The following SV2B variants were observed in gnomAD, a reference collection of about 807,000 sequenced individuals.
The protein encoded by SV2B is synaptic vesicle glycoprotein 2B, also known as solute carrier family 22 member B2.
Under a neutral mutation model 73.9 loss-of-function variants are expected in SV2B, and 41 were observed. That is an observed-to-expected ratio of 0.56 (90% CI 0.43 to 0.72). SV2B has a LOEUF of 0.72. SV2B is among the 30% of genes least tolerant of loss of function. The pLI is 0.00. For synonymous variants in SV2B, 314 were observed against 314.2 expected (o/e 1.00, Z 0.01); for missense variants, 764 against 857.8 (o/e 0.89, Z 1.37).
intron 1 of SV2B, among the ~76,000 whole-genome samples, chr15:91,180,641 T>A (rs2044514556): frequency 6.6e-6 from 1 of 152,230 alleles, no homozygotes; most frequent in African/African-American, 2.4e-5. Flanking sequence ...ATTTCATTCA[T>A]TTCATCTTCC....
chr15:91,142,499 T>TA (rs1383980137), intron 1 of SV2B, among the ~76,000 whole-genome samples: 5 of 152,208 alleles, frequency 3.3e-5, no homozygotes, highest in African/African-American at 9.7e-5. Context: ...GGTGGTGTGT[T>TA]AGCAATGGAG....
rs1003742625 is a variant in SV2B, at chr15:91,284,056, A to G, written c.1543A>G (p.Ile515Val). 2 of 1,614,060 alleles carry G rather than the reference A, an allele frequency of 1.2e-6. No individual in the cohort carries two copies. The highest frequency in any genetic ancestry group is 1.7e-6 in the Non-Finnish European group (2 of 1,180,048). The change falls in exon 11 of 13, where the codon ATC becomes GTC. Residue 515 changes from isoleucine (I) to valine (V), a missense_variant. Coordinates refer to ENST00000394232, the MANE Select transcript of SV2B (RefSeq NM_001323032.3). The surrounding 1 kb of genome is among the most constrained non-coding windows in gnomAD (Gnocchi z 4.5). ...YEHKFINCRF[I>V]NSTFLEQKEG... ...GCACAAGTTCATCAACTGTCGGTTTATCAACTCCACCTTCCTGGAGCAGAA... is the reference window on the plus strand; with the variant it reads ...GCACAAGTTCATCAACTGTCGGTTTGTCAACTCCACCTTCCTGGAGCAGAA...
intron 1 of SV2B, among the ~76,000 whole-genome samples, chr15:91,103,407 T>A (rs562219433): frequency 2.6e-5 from 4 of 152,344 alleles, no homozygotes; most frequent in African/African-American, 9.6e-5. Flanking sequence ...TTGCTAGATA[T>A]TCTTTTTTCT....
chr15:91,219,652 A>T (rs2046151764), intron 1 of SV2B, among the ~76,000 whole-genome samples: 1 of 152,164 alleles, frequency 6.6e-6, no homozygotes, highest in African/African-American at 2.4e-5. Flanking sequence ...AAATCCACTC[A>T]TTGTAAGTGT....
At chr15:91,181,427 T>C (rs2044555408) in intron 1 of SV2B, among the ~76,000 whole-genome samples, 3 of 152,082 alleles carry the variant, frequency 2.0e-5, no homozygotes, top group Admixed American at 2.0e-4. Context: ...TCTTCAAAGC[T>C]GTCAGACAGG....
In SV2B at chr15:91,284,400, C is replaced by T. The variant is rs1476391200; in HGVS notation, c.1708+179C>T. On this transcript the variant is annotated intron_variant, in intron 11 of 12. Coordinates refer to ENST00000394232, the MANE Select transcript of SV2B (RefSeq NM_001323032.3). The surrounding 1 kb of genome is among the most constrained non-coding windows in gnomAD (Gnocchi z 4.5). ...TGTGCCTACAGAAGACTCCAGGGCT[C>T]CTGGGAAATAGTCAAGAATCTTTGG... is the stretch of plus-strand genomic sequence containing the variant. Among the ~76,000 whole-genome samples the T allele has an allele frequency of 1.3e-5, 2 of 152,280 alleles. No individual in the cohort carries two copies. Among genetic ancestry groups the T allele is most frequent in the Middle Eastern group, 3.4e-3 (1 of 294 alleles).
intron 2 of SV2B, among the ~76,000 whole-genome samples, chr15:91,248,281 A>C (rs1016151843): frequency 1.4e-4 from 21 of 152,306 alleles, no homozygotes; most frequent in African/African-American, 5.1e-4. Flanking sequence ...AGATCGTGCC[A>C]CTACACTCCA....
chr15:91,112,335 G>A (rs910034840), intron 1 of SV2B, among the ~76,000 whole-genome samples: 3 of 152,162 alleles, frequency 2.0e-5, no homozygotes, highest in African/African-American at 7.2e-5. Context: ...GATCGCCGCT[G>A]TCCTGTGCTT....
chr15:91,282,820 C>T (rs2048725731), intron 10 of SV2B, among the ~76,000 whole-genome samples: 2 of 152,212 alleles, frequency 1.3e-5, no homozygotes, highest in Admixed American at 1.3e-4. Context: ...TCTAAATATT[C>T]TGGAGTCTCT....
At chr15:91,190,721 G>C (rs2044977625) in intron 1 of SV2B, among the ~76,000 whole-genome samples, 1 of 152,168 alleles carries the variant, frequency 6.6e-6, no homozygotes, top group Non-Finnish European at 1.5e-5. Flanking sequence ...TTTTGCAAAT[G>C]TTCCATATGT....
Position 91,242,756 on chromosome 15 carries a change from T to A in SV2B, c.452-9063T>A, listed in dbSNP as rs1302949247. Among the ~76,000 whole-genome samples, 2 of 152,212 alleles carry A rather than the reference T, an allele frequency of 1.3e-5. No individual in the cohort carries two copies. Among genetic ancestry groups the A allele is most frequent in the East Asian group, 1.9e-4 (1 of 5,200 alleles). On this transcript the variant is annotated intron_variant, in intron 2 of 12. Transcript: ENST00000394232. This position sits in a 1 kb window ranked among gnomAD's most constrained non-coding sequence, Gnocchi z 4.9. ...ACCCAGGAGTTACCTATTATTTTTT[T>A]AAATACGAATACTCACTTTCTGAAC...
In SV2B at chr15:91,245,389, T is replaced by G. The variant is rs535761793; in HGVS notation, c.452-6430T>G. ...CTATGAAGCTTTCGAGACAGAAAGA[T>G]TTCTATCGTGTAAATACAGTATGTA... On this transcript the variant is annotated intron_variant, in intron 2 of 12. Coordinates refer to ENST00000394232, the MANE Select transcript of SV2B (RefSeq NM_001323032.3). The surrounding 1 kb of genome is among the most constrained non-coding windows in gnomAD (Gnocchi z 4.2). Among the ~76,000 whole-genome samples, 2 of 152,228 alleles carry G rather than the reference T, an allele frequency of 1.3e-5. No individual in the cohort carries two copies. The highest frequency in any genetic ancestry group is 4.8e-5 in the African/African-American group (2 of 41,454).
At position 91,129,451 on chromosome 15, in the gene SV2B, T is replaced by C. The variant is rs570451396; in HGVS notation, c.-392+29088T>C. On this transcript the variant is annotated intron_variant, in intron 1 of 12. Transcript: ENST00000394232. This position sits in a 1 kb window ranked among gnomAD's most constrained non-coding sequence, Gnocchi z 5.1. ...GAAGGAGCATTGAGGCTGAGTCAAG[T>C]GCAATGGTGGGGATCAGCAAAGATG... Among the ~76,000 whole-genome samples the C allele has an allele frequency of 5.3e-5, 8 of 152,148 alleles. No homozygotes were observed. Among genetic ancestry groups the C allele is most frequent in the African/African-American group, 1.9e-4 (8 of 41,510 alleles).
chr15:91,140,956 C>G lies in SV2B; in HGVS notation c.-392+40593C>G, dbSNP rs1045381602. ...AGCCTCAGATGAACATATGTTAACA[C>G]TAAGATTCTCCACACTTCCTCCAAC... On this transcript the variant is annotated intron_variant, in intron 1 of 12. Coordinates refer to ENST00000394232, the MANE Select transcript of SV2B (RefSeq NM_001323032.3). This position sits in a 1 kb window ranked among gnomAD's most constrained non-coding sequence, Gnocchi z 4.4. Among the ~76,000 whole-genome samples, 1 of 151,988 alleles carries G rather than the reference C, an allele frequency of 6.6e-6. No individual in the cohort carries two copies. Among genetic ancestry groups the G allele is most frequent in the African/African-American group, 2.4e-5 (1 of 41,384 alleles).
At chr15:91,149,088 T>C (rs1172191882) in intron 1 of SV2B, among the ~76,000 whole-genome samples, 1 of 152,256 alleles carries the variant, frequency 6.6e-6, no homozygotes, top group Non-Finnish European at 1.5e-5. Flanking sequence ...CCTGGTGGAT[T>C]GACTTCAAGA....
At chr15:91,266,791 G>A in intron 7 of SV2B, 99 bp downstream of exon 7, 1 of 972,728 alleles carries the variant, frequency 1.0e-6, no homozygotes, top group South Asian at 1.7e-5. Flanking sequence ...CCACCAACCT[G>A]GGCCAGCGTG....
chr15:91,291,079 C>T (rs1223840521), intron 12 of SV2B, among the ~76,000 whole-genome samples: 3 of 147,192 alleles, frequency 2.0e-5, no homozygotes, highest in East Asian at 1.9e-4. Context: ...TAATTAATAA[C>T]ATATAATTAG....
chr15:91,190,338 T>TG (rs1490724491), intron 1 of SV2B, among the ~76,000 whole-genome samples: 1 of 151,944 alleles, frequency 6.6e-6, no homozygotes, highest in Admixed American at 6.6e-5. Context: ...TGTTTTCTTT[T>TG]TTTTTCCTTT....
rs568040514 is a variant in SV2B at position 91,123,760 on chromosome 15, C to A, written c.-392+23397C>A. On this transcript the variant is annotated intron_variant, in intron 1 of 12. Transcript: ENST00000394232. The surrounding 1 kb of genome is among the most constrained non-coding windows in gnomAD (Gnocchi z 4.7). ...GCACTACTCCTTTCTCTATTCTGGG[C>A]GTGTCTTCACTGAAGGTCTCCAGAG... Among the ~76,000 whole-genome samples the A allele has an allele frequency of 6.6e-6, 1 of 152,086 alleles. No individual in the cohort carries two copies. The highest frequency in any genetic ancestry group is 1.9e-4 in the East Asian group (1 of 5,182).
Sources: allele counts gnomAD v4.1 joint callset (sites outside exome capture counted in the v4.1 genomes callset), GRCh38; gene constraint gnomAD v4.1.1; non-coding constraint Gnocchi (gnomAD v3.1); transcripts MANE v1.5; gene names NCBI Gene and HGNC (gene_info 2026-07-23, HGNC 2026-07-21).